The following NEDD4 variants were observed in gnomAD, a reference collection of about 807,000 sequenced individuals.
NEDD4 encodes E3 ubiquitin-protein ligase NEDD4.
In NEDD4, 99 loss-of-function variants were observed where a neutral mutation model predicts 144.9. The observed-to-expected ratio is 0.68, with a 90% CI of 0.58 to 0.81. The LOEUF is 0.81. Among genes scored for constraint, NEDD4 ranks in the 30% least tolerant of loss-of-function variants. The pLI, the probability that NEDD4 is intolerant of heterozygous loss-of-function variation, is 0.00. For missense variants in NEDD4, 985 were observed against 1,065.9 expected, an observed-to-expected ratio of 0.92 and a Z score of 1.06; for synonymous variants, 318 against 350.6, an observed-to-expected ratio of 0.91 and a Z score of 1.04.
intron 1 of NEDD4, among the ~76,000 whole-genome samples, chr15:55,986,557 G>T (rs1333240550): frequency 6.8e-6 from 1 of 147,058 alleles, no homozygotes; most frequent in Non-Finnish European, 1.5e-5. Flanking sequence ...GAGAAACATC[G>T]TAGGATGTAA....
intron 5 of NEDD4, among the ~76,000 whole-genome samples, chr15:55,891,819 G>A (rs1441691445): frequency 6.6e-6 from 1 of 152,022 alleles, no homozygotes; most frequent in African/African-American, 2.4e-5. Flanking sequence ...ATTTTAGGAG[G>A]TCAAATGTTG....
At chr15:55,982,030 A>G (rs1247318214) in intron 1 of NEDD4, among the ~76,000 whole-genome samples, 3 of 152,238 alleles carry the variant, frequency 2.0e-5, no homozygotes, top group Non-Finnish European at 4.4e-5. Context: ...TACACAAAGT[A>G]TCACTGGAAG....
chr15:55,893,597 T>A (rs1720156522), intron 5 of NEDD4, among the ~76,000 whole-genome samples: 1 of 151,606 alleles, frequency 6.6e-6, no homozygotes, highest in Non-Finnish European at 1.5e-5. Context: ...TTTTTTTTAT[T>A]TGAACACATG....
At chr15:55,905,163 G>C in intron 5 of NEDD4, 1 of 370,544 alleles carries the variant, frequency 2.7e-6, no homozygotes, top group African/African-American at 2.2e-5. Flanking sequence ...ATTATCATCA[G>C]CATGTTAAGA....
At chr15:55,838,255 C>A in intron 22 of NEDD4, 75 bp from the exon 23 acceptor site, 1 of 1,035,800 alleles carries the variant, frequency 9.7e-7, no homozygotes, top group Middle Eastern at 3.0e-4. Flanking sequence ...TGTAGTTATA[C>A]GAGAAACTTG....
chr15:55,936,053 T>C (rs1193450863), intron 4 of NEDD4, among the ~76,000 whole-genome samples: 2 of 152,086 alleles, frequency 1.3e-5, no homozygotes, highest in Admixed American at 6.6e-5. Flanking sequence ...AGCTAATCAG[T>C]GTGCTTATTG....
At chr15:55,908,946 C>T (rs140638728) in intron 5 of NEDD4, among the ~76,000 whole-genome samples, 93 of 152,280 alleles carry the variant, frequency 6.1e-4, no homozygotes, top group African/African-American at 2.2e-3. Context: ...TATATCTGTA[C>T]TTAACTTCAG....
At chr15:55,830,054 C>T (rs1198243144) in intron 28 of NEDD4, 55 bp from the exon 29 acceptor site, 12 of 1,212,224 alleles carry the variant, frequency 9.9e-6, no homozygotes, top group Non-Finnish European at 1.4e-5. Flanking sequence ...CAAGTACCAC[C>T]ACAGCAAACA....
chr15:55,907,673 ATTCT>A (rs1340445304), intron 5 of NEDD4, among the ~76,000 whole-genome samples: 1 of 152,220 alleles, frequency 6.6e-6, no homozygotes, highest in Non-Finnish European at 1.5e-5. Context: ...AGTAAAGGTC[ATTCT>A]TAGCTGAAAC....
At chr15:55,888,765 G>A (rs1455757752) in intron 5 of NEDD4, among the ~76,000 whole-genome samples, 1 of 152,094 alleles carries the variant, frequency 6.6e-6, no homozygotes, top group Non-Finnish European at 1.5e-5. Flanking sequence ...CAGACCAATG[G>A]AACAGAATAG....
rs555874417 is a variant in NEDD4 at position 55,843,502 on chromosome 15, A to C, written c.1609-1339T>G. Among the ~76,000 whole-genome samples, 5 of 152,326 alleles carry C rather than the reference A, an allele frequency of 3.3e-5. No homozygotes were observed. In the East Asian group the frequency reaches 9.6e-4, roughly 29 times the overall value. On this transcript the variant is annotated intron_variant, in intron 18 of 28. Transcript: ENST00000435532. ...TTAGGCAGAACTTATTGTAAATTTT[A>C]CAAAAGATATATCTAAATATTTTAT...
intron 5 of NEDD4, among the ~76,000 whole-genome samples, chr15:55,893,764 C>T (rs1404325674): frequency 1.3e-5 from 2 of 148,448 alleles, no homozygotes; most frequent in African/African-American, 2.5e-5. Flanking sequence ...AATGAACATC[C>T]TTCCTCTCAA....
At position 55,848,517 on chromosome 15, in the gene NEDD4, A is replaced by T; in HGVS notation, c.1483+4T>A. The T allele has an allele frequency of 6.2e-7, 1 of 1,613,382 alleles. No individual in the cohort carries two copies. The highest frequency in any genetic ancestry group is 8.5e-7 in the Non-Finnish European group (1 of 1,179,406). ...AACATAATGAAAAATCGCACTGCAC[A>T]TACTGTGATTTATGTAGAAGATTCT... On this transcript the variant is annotated splice_donor_region_variant and intron_variant, in intron 16 of 28. Coordinates refer to ENST00000435532, the MANE Select transcript of NEDD4 (RefSeq NM_006154.4).
chr15:55,941,349 C>G (rs1435087897), intron 4 of NEDD4, among the ~76,000 whole-genome samples: 1 of 152,090 alleles, frequency 6.6e-6, no homozygotes, highest in Non-Finnish European at 1.5e-5. Flanking sequence ...ATAAATTAAT[C>G]TCTAAGCACT....
chr15:55,915,710 A>G (rs2036415883), intron 5 of NEDD4: 2 of 1,614,026 alleles, frequency 1.2e-6, no homozygotes, highest in South Asian at 2.2e-5. Flanking sequence ...CTGAAACACA[A>G]GAATATCCTT....
At chr15:55,852,343 C>T in intron 13 of NEDD4, 81 bp downstream of exon 13, 6 of 1,444,394 alleles carry the variant, frequency 4.2e-6, no homozygotes, top group Admixed American at 2.1e-5. Context: ...CCAGTGTATC[C>T]TACAAAGTGA....
At chr15:55,960,185 T>A (rs1043298042) in intron 2 of NEDD4, among the ~76,000 whole-genome samples, 3 of 152,182 alleles carry the variant, frequency 2.0e-5, no homozygotes, top group African/African-American at 7.2e-5. Context: ...ATGGGTAATA[T>A]TGAGTGTCAA....
At chr15:55,920,030 T>C (rs2036540873) in intron 5 of NEDD4, among the ~76,000 whole-genome samples, 1 of 152,066 alleles carries the variant, frequency 6.6e-6, no homozygotes. Flanking sequence ...GTGGGTCTCA[T>C]CCAATCAGCT....
At chr15:55,981,568 C>A (rs948021811) in intron 1 of NEDD4, among the ~76,000 whole-genome samples, 1 of 152,148 alleles carries the variant, frequency 6.6e-6, no homozygotes, top group African/African-American at 2.4e-5. Flanking sequence ...AAGCTGGAGT[C>A]TATGATACCC....
Sources: gnomAD v4.1 joint callset for allele counts (sites outside exome capture counted in the v4.1 genomes callset) on GRCh38, gnomAD v4.1.1 for gene constraint, MANE v1.5 for transcripts, NCBI Gene and HGNC (gene_info 2026-07-23, HGNC 2026-07-21) for gene names.